The following XRCC4 variants were observed in gnomAD, a reference collection of about 807,000 sequenced individuals.
XRCC4 encodes X-ray repair cross complementing 4.
In XRCC4, 28 loss-of-function variants were observed where a neutral mutation model predicts 39.1. That is an observed-to-expected ratio of 0.72 (90% CI 0.53 to 0.98). The LOEUF (loss-of-function observed/expected upper bound fraction) is 0.98, where lower values mean the gene tolerates loss of function less well. XRCC4 is among the 50% of genes least tolerant of loss of function. The probability of loss-of-function intolerance (pLI) is 0.00; values close to 1 mark genes in which losing one functional copy is unlikely to be tolerated. For missense variants in XRCC4, 350 were observed against 376.4 expected, an observed-to-expected ratio of 0.93 and a Z score of 0.58; for synonymous variants, 123 against 126.4, an observed-to-expected ratio of 0.97 and a Z score of 0.18.
At chr5:83,162,948 C>CTTTG (rs1749288508) in intron 3 of XRCC4, among the ~76,000 whole-genome samples, 2 of 110,918 alleles carry the variant, frequency 1.8e-5, no homozygotes, top group African/African-American at 6.4e-5. Flanking sequence ...TTCTTTCTTT[C>CTTTG]TTTCTTTTTT....
intron 7 of XRCC4, among the ~76,000 whole-genome samples, chr5:83,271,796 G>T (rs1754153625): frequency 1.3e-5 from 2 of 152,160 alleles, no homozygotes; most frequent in Non-Finnish European, 2.9e-5. Flanking sequence ...TCCAGCATAT[G>T]CCCAGGAGTG....
intron 3 of XRCC4, among the ~76,000 whole-genome samples, chr5:83,141,186 T>C (rs1478479): frequency 1.3e-3 from 202 of 152,328 alleles, no homozygotes; most frequent in African/African-American, 4.6e-3. Flanking sequence ...CATTTAGGGA[T>C]ATGTCAACTT....
intron 7 of XRCC4, among the ~76,000 whole-genome samples, chr5:83,348,166 G>A (rs139390570): frequency 6.6e-6 from 1 of 152,318 alleles, no homozygotes; most frequent in Non-Finnish European, 1.5e-5. Context: ...GGCGCAAGCT[G>A]ATGATGGATC....
chr5:83,183,410 A>ATT (rs1215040730), intron 3 of XRCC4, among the ~76,000 whole-genome samples: 4 of 82,038 alleles, frequency 4.9e-5, no homozygotes, highest in Admixed American at 4.1e-4. Flanking sequence ...TTTTTCATTT[A>ATT]TTTGTGTGTG....
At chr5:83,269,663 A>G (rs942309070) in intron 7 of XRCC4, among the ~76,000 whole-genome samples, 4 of 152,234 alleles carry the variant, frequency 2.6e-5, no homozygotes, top group African/African-American at 7.2e-5. Flanking sequence ...AACCTAACAC[A>G]TAGTAGATAT....
intron 3 of XRCC4, among the ~76,000 whole-genome samples, chr5:83,161,111 AT>A (rs5869165): frequency 0.49 from 69,352 of 142,964 alleles, 17,202 homozygotes; most frequent in African/African-American, 0.64. Context: ...AGTTCTTTTA[AT>A]TTTTTTTTTT....
At chr5:83,220,335 A>C (rs893282802) in intron 6 of XRCC4, among the ~76,000 whole-genome samples, 3 of 152,128 alleles carry the variant, frequency 2.0e-5, no homozygotes, top group Non-Finnish European at 4.4e-5. Flanking sequence ...CTATAATATA[A>C]TATGTAGGAT....
intron 6 of XRCC4, among the ~76,000 whole-genome samples, chr5:83,223,531 T>C (rs909825036): frequency 2.0e-5 from 3 of 152,082 alleles, no homozygotes; most frequent in Non-Finnish European, 4.4e-5. Flanking sequence ...GTATCTGATA[T>C]AAGTATAGCT....
rs1750475925 is a variant in XRCC4, at chr5:83,186,985, C to T, written c.316-8785C>T. On this transcript the variant is annotated intron_variant, in intron 3 of 7. Transcript: ENST00000396027. The stretch of plus-strand genomic sequence containing the variant: ...TTGAGACGGAGTCTCGCTCTGTCGC[C>T]CAGGCTGGAGTGCAGTGGCGCGACC... 9.5e-5 allele frequency among the ~76,000 whole-genome samples: 10 copies of T among 105,742 alleles called. 3 individuals are homozygous for T. In the South Asian group the frequency reaches 2.8e-3, roughly 29 times the overall value. The allele number at this position is 105,742 out of a possible 152,430, so 69.4% of individuals were successfully genotyped here.
intron 6 of XRCC4, among the ~76,000 whole-genome samples, chr5:83,223,631 G>A (rs895615174): frequency 6.6e-6 from 1 of 151,568 alleles, no homozygotes. Context: ...CAGATGAAGT[G>A]AGTCTATTGT....
chr5:83,140,251 G>A (rs1055559161), intron 3 of XRCC4, among the ~76,000 whole-genome samples: 12 of 152,186 alleles, frequency 7.9e-5, no homozygotes, highest in Admixed American at 2.0e-4. Flanking sequence ...CAGTCCAAAA[G>A]CCTCAAGAGC....
chr5:83,299,637 T>A (rs147394802), intron 7 of XRCC4, among the ~76,000 whole-genome samples: 4 of 152,258 alleles, frequency 2.6e-5, no homozygotes, highest in African/African-American at 9.6e-5. Flanking sequence ...AGCCTTTCTT[T>A]CAGTTTTCTA....
intron 1 of XRCC4, among the ~76,000 whole-genome samples, chr5:83,082,258 G>A (rs1273845352): frequency 7.9e-5 from 12 of 152,050 alleles, no homozygotes; most frequent in Admixed American, 7.9e-4. Context: ...AAAAAATTGT[G>A]TATTTACATG....
At chr5:83,203,510 C>T in intron 4 of XRCC4, 42 bp from the exon 5 acceptor site, 3 of 1,503,426 alleles carry the variant, frequency 2.0e-6, no homozygotes, top group Non-Finnish European at 1.8e-6. Flanking sequence ...TAATGCTAAG[C>T]AGAACTGCAT....
intron 6 of XRCC4, among the ~76,000 whole-genome samples, chr5:83,237,802 A>G (rs1476806148): frequency 6.6e-6 from 1 of 152,170 alleles, no homozygotes; most frequent in Non-Finnish European, 1.5e-5. Context: ...TGATCATTAT[A>G]CATTGTGTGC....
At chr5:83,092,341 T>G (rs1745467485) in intron 1 of XRCC4, among the ~76,000 whole-genome samples, 1 of 152,192 alleles carries the variant, frequency 6.6e-6, no homozygotes, top group Admixed American at 6.5e-5. Flanking sequence ...TCCTTTGATG[T>G]GCAGAAGCTT....
At chr5:83,172,894 A>G (rs947853250) in intron 3 of XRCC4, among the ~76,000 whole-genome samples, 2 of 152,124 alleles carry the variant, frequency 1.3e-5, no homozygotes, top group Admixed American at 6.6e-5. Flanking sequence ...CAAATTCAAA[A>G]CATTCTGGAC....
At chr5:83,090,285 T>G (rs1363847020) in intron 1 of XRCC4, among the ~76,000 whole-genome samples, 1 of 152,124 alleles carries the variant, frequency 6.6e-6, no homozygotes, top group Non-Finnish European at 1.5e-5. Flanking sequence ...TTTTTCATGC[T>G]TTTCTCATGA....
chr5:83,307,992 A>T (rs565195915), intron 7 of XRCC4, among the ~76,000 whole-genome samples: 1 of 152,334 alleles, frequency 6.6e-6, no homozygotes, highest in East Asian at 1.9e-4. Flanking sequence ...TCTGTATCTT[A>T]CCAGAACATA....
Sources: allele counts gnomAD v4.1 joint callset (sites outside exome capture counted in the v4.1 genomes callset), GRCh38; gene constraint gnomAD v4.1.1; transcripts MANE v1.5; gene names NCBI Gene and HGNC (gene_info 2026-07-23, HGNC 2026-07-21).